The following NTRK3 variants were observed in gnomAD, a reference collection of about 807,000 sequenced individuals.
NTRK3 encodes the protein NT-3 growth factor receptor.
A neutral mutation model predicts 91.7 loss-of-function variants in NTRK3; 24 were observed. The ratio of observed to expected loss-of-function variants is 0.26; its 90% CI spans 0.19 to 0.37. NTRK3 has a LOEUF of 0.37. Ranked by LOEUF, NTRK3 falls within the 10% of genes least tolerant of loss-of-function variation. The pLI is 1.00. For synonymous variants in NTRK3, 483 were observed against 404.0 expected (o/e 1.20, Z -2.34); for missense variants, 880 against 1,068.9 (o/e 0.82, Z 2.46).
chr15:87,883,693 G>A (rs868470982), intron 17 of NTRK3, among the ~76,000 whole-genome samples: 3 of 150,598 alleles, frequency 2.0e-5, no homozygotes, highest in Non-Finnish European at 4.5e-5. Context: ...GGAATTCCAA[G>A]ATAAAAAATA....
chr15:88,219,604 TCTA>T (rs2050074302), intron 3 of NTRK3, among the ~76,000 whole-genome samples: 1 of 152,250 alleles, frequency 6.6e-6, no homozygotes, highest in African/African-American at 2.4e-5. Context: ...AACCCAAACT[TCTA>T]CTAGCCCAGC....
At chr15:88,202,859 G>T (rs989598529) in intron 3 of NTRK3, among the ~76,000 whole-genome samples, 1 of 152,194 alleles carries the variant, frequency 6.6e-6, no homozygotes, top group African/African-American at 2.4e-5. Flanking sequence ...AACTAGCATT[G>T]CTGATTCCCT....
At chr15:87,995,166 C>G (rs1160382512) in intron 14 of NTRK3, among the ~76,000 whole-genome samples, 1 of 152,090 alleles carries the variant, frequency 6.6e-6, no homozygotes, top group Non-Finnish European at 1.5e-5. Flanking sequence ...GCAGAGTGTC[C>G]CATGGAGCCC....
chr15:88,153,472 C>G (rs2043588501), intron 5 of NTRK3, among the ~76,000 whole-genome samples: 1 of 152,108 alleles, frequency 6.6e-6, no homozygotes, highest in Non-Finnish European at 1.5e-5. Flanking sequence ...TCAGGCTGGT[C>G]TCAAACTCCT....
intron 14 of NTRK3, among the ~76,000 whole-genome samples, chr15:88,015,854 C>A (rs1374156767): frequency 6.6e-6 from 1 of 152,068 alleles, no homozygotes; most frequent in Non-Finnish European, 1.5e-5. Flanking sequence ...AGGAATGCAT[C>A]TTGATTGACT....
intron 7 of NTRK3, 65 bp downstream of exon 7, chr15:88,137,339 C>A: frequency 6.3e-7 from 1 of 1,586,334 alleles, no homozygotes; most frequent in Non-Finnish European, 8.6e-7. Flanking sequence ...TAACGTCCAG[C>A]ACCATCTCTG....
intron 3 of NTRK3, among the ~76,000 whole-genome samples, chr15:88,231,166 T>C (rs1242096146): frequency 6.6e-6 from 1 of 152,214 alleles, no homozygotes; most frequent in African/African-American, 2.4e-5. Flanking sequence ...AACCATTTCC[T>C]GCTAAAGGCA....
chr15:88,144,289 A>T (rs577270243), intron 6 of NTRK3: 4 of 152,358 alleles, frequency 2.6e-5, no homozygotes, highest in African/African-American at 9.6e-5. Context: ...AGATGCGAAG[A>T]TGCTTCAAAT....
chr15:87,889,375 T>C (rs2065727226), intron 17 of NTRK3, among the ~76,000 whole-genome samples: 1 of 151,236 alleles, frequency 6.6e-6, no homozygotes, highest in Admixed American at 6.6e-5. Context: ...CATAAAACCA[T>C]GCTCGTTAGT....
At chr15:88,048,986 T>G (rs756805935) in intron 13 of NTRK3, among the ~76,000 whole-genome samples, 11 of 152,142 alleles carry the variant, frequency 7.2e-5, no homozygotes, top group Non-Finnish European at 1.2e-4. Context: ...CCTACAACAC[T>G]GACGAAATGA....
intron 17 of NTRK3, among the ~76,000 whole-genome samples, chr15:87,921,811 C>T (rs1235786113): frequency 1.3e-5 from 2 of 151,656 alleles, no homozygotes; most frequent in African/African-American, 2.4e-5. Flanking sequence ...GCAAAGTCTG[C>T]AATATTTCCA....
intron 3 of NTRK3, among the ~76,000 whole-genome samples, chr15:88,236,224 C>T (rs1277909985): frequency 6.6e-6 from 1 of 152,174 alleles, no homozygotes; most frequent in Non-Finnish European, 1.5e-5. Flanking sequence ...ATTCAGGTTA[C>T]CCATACAATG....
intron 17 of NTRK3, among the ~76,000 whole-genome samples, chr15:87,893,521 G>A (rs894194559): frequency 3.9e-5 from 6 of 152,192 alleles, no homozygotes; most frequent in African/African-American, 1.4e-4. Flanking sequence ...TTCTAAGCCA[G>A]CCTTTCCTGA....
intron 3 of NTRK3, among the ~76,000 whole-genome samples, chr15:88,203,849 T>TA (rs922338199): frequency 6.6e-6 from 1 of 152,008 alleles, no homozygotes; most frequent in Non-Finnish European, 1.5e-5. Context: ...ATAATTTTTT[T>TA]AAAAAAAAGC....
intron 13 of NTRK3, among the ~76,000 whole-genome samples, chr15:88,083,295 A>G (rs775933025): frequency 6.6e-6 from 1 of 152,052 alleles, no homozygotes; most frequent in Non-Finnish European, 1.5e-5. Context: ...ATCTCGGCTC[A>G]CTGCAACCTC....
At position 88,183,564 on chromosome 15, in the gene NTRK3, G is replaced by T. The variant is rs760201532; in HGVS notation, c.324-75C>A. 1.7e-4 allele frequency: 232 copies of T among 1,394,628 alleles called. 2 individuals are homozygous for T. Among genetic ancestry groups the T allele is most frequent in the Non-Finnish European group, 1.4e-5 (14 of 981,686 alleles). 86.4% of individuals were successfully genotyped at this position (1,394,628 alleles called of 1,614,324 possible). On this transcript the variant is annotated intron_variant, in intron 4 of 18. Transcript: ENST00000394480. The stretch of plus-strand genomic sequence containing the variant: ...ATCTGCTCTGGGCTGAGGCTGGCAG[G>T]GGGTGAGGCTAAGGCTGGCCCTGCA...
At chr15:87,959,547 C>A (rs1202970791) in intron 14 of NTRK3, among the ~76,000 whole-genome samples, 1 of 152,182 alleles carries the variant, frequency 6.6e-6, no homozygotes, top group African/African-American at 2.4e-5. Context: ...GCTCTGAGTT[C>A]ATATCGAGCT....
intron 17 of NTRK3, among the ~76,000 whole-genome samples, chr15:87,891,332 T>C (rs79362093): frequency 0.015 from 2,333 of 152,316 alleles, 29 homozygotes; most frequent in Non-Finnish European, 0.025. Context: ...GGCTTATTTG[T>C]TTCATGTTTG....
chr15:88,032,765 C>T, intron 14 of NTRK3, 92 bp downstream of exon 14: 7 of 1,403,576 alleles, frequency 5.0e-6, no homozygotes, highest in Non-Finnish European at 7.0e-6. Context: ...GGTAGCAGGT[C>T]ACCCTAGAAG....
Sources: gnomAD v4.1 joint callset for allele counts (sites outside exome capture counted in the v4.1 genomes callset) on GRCh38, gnomAD v4.1.1 for gene constraint, MANE v1.5 for transcripts, NCBI Gene and HGNC (gene_info 2026-07-23, HGNC 2026-07-21) for gene names.